The following FXYD6 variants were observed in gnomAD, a reference collection of about 807,000 sequenced individuals.
FXYD6 encodes the protein FXYD domain-containing ion transport regulator 6.
FXYD6 carries 7 observed loss-of-function variants against 16.7 expected under a neutral mutation model. The observed-to-expected ratio is 0.42, with a 90% confidence interval of 0.24 to 0.79. The LOEUF (loss-of-function observed/expected upper bound fraction) is 0.79, where lower values mean the gene tolerates loss of function less well. Ranked by LOEUF, FXYD6 falls within the 30% of genes least tolerant of loss-of-function variation. FXYD6 has a pLI of 0.28. For synonymous variants in FXYD6, 49 were observed against 43.0 expected (o/e 1.14, Z -0.54); for missense variants, 111 against 116.2 (o/e 0.95, Z 0.21).
chr11:117,862,915 T>C (rs916552820), intron 1 of FXYD6, among the ~76,000 whole-genome samples: 2 of 152,188 alleles, frequency 1.3e-5, no homozygotes, highest in Non-Finnish European at 2.9e-5. Flanking sequence ...ATGTTGCATA[T>C]TCCTGTTCCC....
chr11:117,869,657 T>C (rs1206937572), intron 1 of FXYD6, among the ~76,000 whole-genome samples: 1 of 139,184 alleles, frequency 7.2e-6, no homozygotes, highest in African/African-American at 2.7e-5. Context: ...GAAGAGAAAC[T>C]TGGACAGAGG....
chr11:117,857,163 G>T (rs1164525527), intron 1 of FXYD6, among the ~76,000 whole-genome samples: 1 of 152,188 alleles, frequency 6.6e-6, no homozygotes, highest in Non-Finnish European at 1.5e-5. Context: ...TGGCTTCAGG[G>T]AAGGTGAGGG....
intron 5 of FXYD6, 108 bp from the exon 6 acceptor site, chr11:117,840,476 C>T: frequency 6.7e-7 from 1 of 1,481,494 alleles, no homozygotes; most frequent in East Asian, 2.3e-5. Context: ...AGGCTCCTCC[C>T]AGTGCCCTGA....
chr11:117,868,282 G>A (rs763015748), intron 1 of FXYD6, among the ~76,000 whole-genome samples: 41 of 152,132 alleles, frequency 2.7e-4, no homozygotes, highest in African/African-American at 8.0e-4. Flanking sequence ...ACTGTGCTGC[G>A]TGGGGGGCAT....
intron 1 of FXYD6, among the ~76,000 whole-genome samples, chr11:117,854,711 T>C (rs1355261650): frequency 6.6e-6 from 1 of 152,166 alleles, no homozygotes; most frequent in Admixed American, 6.5e-5. Context: ...GCTAGGGAAG[T>C]TTCCGTGGAG....
chr11:117,863,476 T>TA (rs752219553), intron 1 of FXYD6, among the ~76,000 whole-genome samples: 259 of 140,870 alleles, frequency 1.8e-3, no homozygotes, highest in Middle Eastern at 3.7e-3. Context: ...GCCATAAGTT[T>TA]AAAAAAAAAA....
In FXYD6 at chr11:117,858,631, TTTTCTTTCTTTCTTTCTTTC is replaced by T. The variant is rs758256700; in HGVS notation, c.-5-15870_-5-15851del. ...AGAGTCGATTCTGCTTCATTTTCTT[TTTTCTTTCTTTCTTTCTTTC>T]TTTCTTTCTTTCTTTCTTTCTTTCT... On this transcript the variant is annotated intron_variant, in intron 1 of 7. Transcript: ENST00000526014. Among the ~76,000 whole-genome samples the T allele has an allele frequency of 6.1e-3, 651 of 106,698 alleles. 6 individuals are homozygous for T. Among genetic ancestry groups the T allele is most frequent in the Middle Eastern group, 0.024 (5 of 212 alleles). The allele number at this position is 106,698 out of a possible 152,430, so 70.0% of individuals were successfully genotyped here.
intron 1 of FXYD6, among the ~76,000 whole-genome samples, chr11:117,868,671 C>G (rs1006158): frequency 0.022 from 3,419 of 152,152 alleles, 100 homozygotes; most frequent in African/African-American, 0.06. Context: ...ATTATTGTAC[C>G]AATATTTGTT....
chr11:117,858,635 CTTTCTTTCTTTCTT>C (rs2056797672), intron 1 of FXYD6, among the ~76,000 whole-genome samples: 1 of 17,130 alleles, frequency 5.8e-5, no homozygotes, highest in Non-Finnish European at 1.1e-4. Flanking sequence ...TTTCTTTTTT[CTTTCTTTCTTTCTT>C]TCTTTCTTTC....
intron 1 of FXYD6, among the ~76,000 whole-genome samples, chr11:117,855,753 C>T (rs2056711374): frequency 6.6e-6 from 1 of 152,208 alleles, no homozygotes; most frequent in African/African-American, 2.4e-5. Context: ...CATGCACCGC[C>T]ACCTGCGCAC....
chr11:117,867,947 A>T (rs989799949), intron 1 of FXYD6, among the ~76,000 whole-genome samples: 2 of 152,150 alleles, frequency 1.3e-5, no homozygotes, highest in African/African-American at 4.8e-5. Flanking sequence ...TAGCCAAGGT[A>T]TCGGTAATTT....
intron 1 of FXYD6, among the ~76,000 whole-genome samples, chr11:117,858,821 TGGA>T: frequency 6.7e-6 from 1 of 148,680 alleles, no homozygotes; most frequent in African/African-American, 2.5e-5. Context: ...GTCACCAGGC[TGGA>T]GTGTGCAGTG....
At chr11:117,859,094 AC>A (rs1200602449) in intron 1 of FXYD6, among the ~76,000 whole-genome samples, 2 of 149,698 alleles carry the variant, frequency 1.3e-5, no homozygotes, top group African/African-American at 4.9e-5. Context: ...GTCATTTTCA[AC>A]CCCTTCTGGG....
Position 117,839,844 on chromosome 11 carries a change from C to A in FXYD6, c.260-14G>T. On this transcript the variant is annotated splice_polypyrimidine_tract_variant and intron_variant, in intron 6 of 7. Coordinates refer to ENST00000526014, the MANE Select transcript of FXYD6 (RefSeq NM_022003.4). ...GGGGCTCTGTTGCTGGAAAGAAAAC[C>A]AGAATGGATTATAGTGTATAGACTC... The A allele has an allele frequency of 6.2e-7, 1 of 1,614,202 alleles. No individual in the cohort carries two copies. Among genetic ancestry groups the A allele is most frequent in the Non-Finnish European group, 8.5e-7 (1 of 1,180,036 alleles).
chr11:117,848,279 T>C (rs867441095), intron 1 of FXYD6, among the ~76,000 whole-genome samples: 9 of 152,244 alleles, frequency 5.9e-5, no homozygotes, highest in African/African-American at 2.2e-4. Flanking sequence ...CTGTTTTATG[T>C]TAATTATGAA....
chr11:117,858,711 CTCTCCTTCCTTCCCTTCCT>C (rs1177130851), intron 1 of FXYD6, among the ~76,000 whole-genome samples: 1 of 126,076 alleles, frequency 7.9e-6, no homozygotes, highest in Non-Finnish European at 1.7e-5. Flanking sequence ...TTCTCTCTCT[CTCTCCTTCCTTCCCTTCCT>C]TCCTTCCTTC....
rs180734974 is a variant in FXYD6 at position 117,838,364 on chromosome 11, C to T, written c.*22-87G>A. On this transcript the variant is annotated intron_variant, in intron 7 of 7. Transcript: ENST00000526014. ...TCTCTCCCTTCCTTGAGCACCTGCCCACTGAAATTCCCGGTATGACAGCCT... is the reference window on the plus strand; with the variant it reads ...TCTCTCCCTTCCTTGAGCACCTGCCTACTGAAATTCCCGGTATGACAGCCT... 647 of 697,206 alleles carry T rather than the reference C, an allele frequency of 9.3e-4. 3 individuals are homozygous for T. Among genetic ancestry groups the T allele is most frequent in the South Asian group, 4.3e-3 (291 of 67,258 alleles). 43.2% of individuals were successfully genotyped at this position (697,206 alleles called of 1,614,324 possible).
At chr11:117,841,554 C>T (rs1428886008) in intron 4 of FXYD6, 2 of 605,518 alleles carry the variant, frequency 3.3e-6, no homozygotes, top group Non-Finnish European at 2.9e-6. Context: ...TGGGAAGCCA[C>T]CCTGCTCGTT....
intron 1 of FXYD6, among the ~76,000 whole-genome samples, chr11:117,852,163 G>A (rs2056624885): frequency 6.6e-6 from 1 of 152,238 alleles, no homozygotes; most frequent in African/African-American, 2.4e-5. Context: ...ACCTGAGGGA[G>A]TCTGGAGGCA....
Sources: allele counts gnomAD v4.1 joint callset (sites outside exome capture counted in the v4.1 genomes callset), GRCh38; gene constraint gnomAD v4.1.1; transcripts MANE v1.5; gene names NCBI Gene and HGNC (gene_info 2026-07-23, HGNC 2026-07-21).